The following DCDC1 variants were observed in gnomAD, a reference collection of about 807,000 sequenced individuals.
DCDC1 encodes doublecortin domain-containing protein 1.
In DCDC1, 200 loss-of-function variants were observed where a neutral mutation model predicts 178.3. The ratio of observed to expected loss-of-function variants is 1.12; its 90% CI spans 1.00 to 1.26. The LOEUF is 1.26. Among genes scored for constraint, DCDC1 ranks in the 50% most tolerant of loss-of-function variants. The pLI, the probability that DCDC1 is intolerant of heterozygous loss-of-function variation, is 0.00. For synonymous variants in DCDC1, 690 were observed against 604.8 expected, an observed-to-expected ratio of 1.14 and a Z score of -2.07; for missense variants, 1,983 against 1,749.2, an observed-to-expected ratio of 1.13 and a Z score of -2.38.
intron 20 of DCDC1, among the ~76,000 whole-genome samples, chr11:31,046,334 G>C (rs561614177): frequency 1.3e-5 from 2 of 151,986 alleles, no homozygotes; most frequent in South Asian, 4.2e-4. Context: ...CCATTCATAG[G>C]AAAAGCCTTT....
chr11:30,936,393 GA>G (rs1327711507), intron 21 of DCDC1, among the ~76,000 whole-genome samples: 1 of 152,166 alleles, frequency 6.6e-6, no homozygotes, highest in Non-Finnish European at 1.5e-5. Flanking sequence ...TGCTTTTTGA[GA>G]GTTTGATTTA....
intron 11 of DCDC1, among the ~76,000 whole-genome samples, chr11:31,124,224 C>T (rs547376612): frequency 6.6e-6 from 1 of 152,050 alleles, no homozygotes; most frequent in South Asian, 2.1e-4. Context: ...GAGTTTTTAA[C>T]ATAAAGGGAT....
At chr11:31,197,353 C>T (rs963934135) in intron 9 of DCDC1, among the ~76,000 whole-genome samples, 2 of 151,920 alleles carry the variant, frequency 1.3e-5, no homozygotes, top group African/African-American at 2.4e-5. Context: ...AATATCTTTC[C>T]TTTTTGCAAA....
At chr11:31,104,145 T>C (rs1477204318) in intron 13 of DCDC1, among the ~76,000 whole-genome samples, 1 of 152,178 alleles carries the variant, frequency 6.6e-6, no homozygotes, top group Non-Finnish European at 1.5e-5. Context: ...GAATTCTTAA[T>C]ATTTGGCCAC....
At chr11:30,914,272 G>T (rs552606884) in intron 27 of DCDC1, among the ~76,000 whole-genome samples, 5 of 152,332 alleles carry the variant, frequency 3.3e-5, no homozygotes, top group Non-Finnish European at 7.3e-5. Flanking sequence ...TCAGCCCAGC[G>T]AGTTCTCCTT....
At chr11:31,044,419 A>C (rs1380254133) in intron 20 of DCDC1, among the ~76,000 whole-genome samples, 1 of 147,922 alleles carries the variant, frequency 6.8e-6, no homozygotes, top group Non-Finnish European at 1.5e-5. Flanking sequence ...CGGAGCTTGC[A>C]GTGAGCCGAG....
At chr11:30,983,781 T>C (rs1287691242) in intron 20 of DCDC1, among the ~76,000 whole-genome samples, 1 of 152,180 alleles carries the variant, frequency 6.6e-6, no homozygotes, top group Non-Finnish European at 1.5e-5. Flanking sequence ...TACTCAGTTA[T>C]CAAAATCTTC....
intron 11 of DCDC1, among the ~76,000 whole-genome samples, chr11:31,119,100 AAG>A (rs1257927715): frequency 1.3e-5 from 2 of 152,178 alleles, no homozygotes; most frequent in Non-Finnish European, 2.9e-5. Flanking sequence ...CGCTGCAAAG[AAG>A]AGTCAAGAGA....
At chr11:31,091,180 T>A (rs1957799200) in intron 17 of DCDC1, among the ~76,000 whole-genome samples, 1 of 152,176 alleles carries the variant, frequency 6.6e-6, no homozygotes, top group African/African-American at 2.4e-5. Context: ...AAGGCCAACA[T>A]TTCACCTTTT....
intron 20 of DCDC1, among the ~76,000 whole-genome samples, chr11:30,964,835 T>C (rs1466911652): frequency 6.6e-6 from 1 of 152,176 alleles, no homozygotes; most frequent in Admixed American, 6.5e-5. Flanking sequence ...AATGAAATGA[T>C]GAGTCTCATT....
intron 8 of DCDC1, among the ~76,000 whole-genome samples, chr11:31,258,516 G>A (rs997610698): frequency 2.0e-5 from 3 of 152,188 alleles, no homozygotes; most frequent in Non-Finnish European, 4.4e-5. Flanking sequence ...CTGAAAGGAA[G>A]AAGTATATAG....
intron 20 of DCDC1, among the ~76,000 whole-genome samples, chr11:30,974,176 A>C (rs291142): frequency 0.6 from 90,451 of 151,552 alleles, 27,714 homozygotes; most frequent in African/African-American, 0.71. Flanking sequence ...AAAAAAAGTT[A>C]TTGAAAAAAT....
chr11:30,962,626 TTAA>T (rs1223124200), intron 20 of DCDC1, among the ~76,000 whole-genome samples: 1 of 152,098 alleles, frequency 6.6e-6, no homozygotes, highest in Non-Finnish European at 1.5e-5. Context: ...ATATGGTACA[TTAA>T]TAATAATTGC....
At chr11:30,945,608 G>A (rs945332648) in intron 21 of DCDC1, among the ~76,000 whole-genome samples, 2 of 151,890 alleles carry the variant, frequency 1.3e-5, no homozygotes, top group South Asian at 2.1e-4. Flanking sequence ...CAGGAGAATC[G>A]CTTGAACCCA....
At chr11:30,866,917 G>A (rs763779655) in intron 38 of DCDC1, among the ~76,000 whole-genome samples, 8 of 152,148 alleles carry the variant, frequency 5.3e-5, no homozygotes, top group Non-Finnish European at 1.2e-4. Context: ...GCATGTGGGA[G>A]TGGGTTTGCT....
At chr11:31,153,859 GCA>G (rs56888014) in intron 9 of DCDC1, among the ~76,000 whole-genome samples, 9,372 of 137,416 alleles carry the variant, frequency 0.068, 395 homozygotes, top group East Asian at 0.26. Flanking sequence ...ACAGTGTCAT[GCA>G]CACACACACA....
intron 9 of DCDC1, among the ~76,000 whole-genome samples, chr11:31,192,191 A>T (rs1970206204): frequency 6.6e-6 from 1 of 152,084 alleles, no homozygotes; most frequent in Non-Finnish European, 1.5e-5. Context: ...TTATTGCCAT[A>T]GCGTTCTAAC....
At chr11:30,888,056 A>G (rs1381871279) in intron 36 of DCDC1, among the ~76,000 whole-genome samples, 36 of 84,550 alleles carry the variant, frequency 4.3e-4, no homozygotes, top group Admixed American at 9.6e-4. Context: ...GAAAGAAAGA[A>G]AGAAAGAGAG....
At chr11:31,263,868 AGTTT>A in intron 8 of DCDC1, among the ~76,000 whole-genome samples, 1 of 152,348 alleles carries the variant, frequency 6.6e-6, no homozygotes, top group East Asian at 1.9e-4. Flanking sequence ...ATGGAGTTAA[AGTTT>A]GGATGAAGTT....
Sources: allele counts gnomAD v4.1 joint callset (sites outside exome capture counted in the v4.1 genomes callset), GRCh38; gene constraint gnomAD v4.1.1; transcripts MANE v1.5; gene names NCBI Gene and HGNC (gene_info 2026-07-23, HGNC 2026-07-21).